Variants in ITGB4 observed in about 807,000 individuals in gnomAD.
ITGB4 encodes the protein integrin beta-4.
Under a neutral mutation model 207.6 loss-of-function variants are expected in ITGB4, and 159 were observed. The ratio of observed to expected loss-of-function variants is 0.77; its 90% CI spans 0.67 to 0.87. The LOEUF (loss-of-function observed/expected upper bound fraction) is 0.87, where lower values mean the gene tolerates loss of function less well. Among genes scored for constraint, ITGB4 ranks in the 40% least tolerant of loss-of-function variants. ITGB4 has a pLI of 0.00. For synonymous variants in ITGB4, 1,020 were observed against 1,062.7 expected (o/e 0.96, Z 0.78); for missense variants, 2,278 against 2,546.8 (o/e 0.89, Z 2.27).
In ITGB4 at chr17:75,729,423, C is replaced by T. The variant is rs781241859; in HGVS notation, c.725C>T (p.Thr242Ile). 2.5e-6 allele frequency: 4 copies of T among 1,614,080 alleles called. No individual in the cohort carries two copies. In the South Asian group the frequency reaches 3.3e-5, roughly 13 times the overall value. ...PEGGFDAILQ[T>I]AVCTRDIGWR... is the part of the protein sequence containing the mutation. ...GGCGGCTTCGATGCCATCCTGCAGACAGCTGTGTGCACGGTGGGCACTGGG... is the reference window on the plus strand; with the variant it reads ...GGCGGCTTCGATGCCATCCTGCAGATAGCTGTGTGCACGGTGGGCACTGGG... The change falls in exon 7 of 40, where the codon ACA becomes ATA. Residue 242 changes from threonine to isoleucine, a missense_variant. Transcript: ENST00000200181. This position sits in a 1 kb window ranked among gnomAD's most constrained non-coding sequence, Gnocchi z 4.4.
Position 75,727,412 on chromosome 17 carries a change from G to A in ITGB4, c.171G>A (p.Arg57=). The part of the protein sequence containing the change: ...DCAYCTDEMF[R]DRRCNTQAEL... ...CCTGTCCTTCTGGCCAGATGTTCAGGGACCGGCGCTGCAACACCCAGGCGG... is the reference window on the plus strand; with the variant it reads ...CCTGTCCTTCTGGCCAGATGTTCAGAGACCGGCGCTGCAACACCCAGGCGG... The change falls in exon 4 of 40, where the codon AGG becomes AGA. Residue 57 remains arginine, a synonymous_variant. Transcript: ENST00000200181. The surrounding 1 kb of genome is among the most constrained non-coding windows in gnomAD (Gnocchi z 6.0). 1 of 1,614,076 alleles carries A rather than the reference G, an allele frequency of 6.2e-7. No homozygotes were observed. The highest frequency in any genetic ancestry group is 8.5e-7 in the Non-Finnish European group (1 of 1,180,036).
rs527611048 is a variant in ITGB4 at position 75,730,238 on chromosome 17, C to T, written c.739-3C>T. 2.5e-6 allele frequency: 4 copies of T among 1,612,880 alleles called. No individual in the cohort carries two copies. The highest frequency in any genetic ancestry group is 2.7e-5 in the African/African-American group (2 of 75,050). ...TGGGCACGCCCCGCCTTGCCTTCCC[C>T]AGAGGGACATTGGCTGGCGCCCGGA... On this transcript the variant is annotated splice_polypyrimidine_tract_variant and splice_region_variant and intron_variant, in intron 7 of 39. Transcript: ENST00000200181.
intron 26 of ITGB4, among the ~76,000 whole-genome samples, chr17:75,745,048 A>C (rs571815959): frequency 6.6e-6 from 1 of 152,274 alleles, no homozygotes; most frequent in Admixed American, 6.5e-5. Context: ...TACAGGTGTA[A>C]GCCAGTGCAC....
chr17:75,749,985 C>G (rs896249390), intron 27 of ITGB4, 126 bp from the exon 28 acceptor site: 1 of 1,185,286 alleles, frequency 8.4e-7, no homozygotes, highest in Non-Finnish European at 1.3e-6. Flanking sequence ...TCTCCAGAGA[C>G]GCGGGTGGGC....
chr17:75,721,829 G>T (rs1044050123), intron 1 of ITGB4, among the ~76,000 whole-genome samples: 5 of 152,222 alleles, frequency 3.3e-5, no homozygotes, highest in African/African-American at 1.2e-4. Flanking sequence ...CAGACCTCCA[G>T]GCCAGAGGAG....
Position 75,731,951 on chromosome 17 carries a change from G to A in ITGB4, c.1355G>A (p.Cys452Tyr). 1 of 1,614,066 alleles carries A rather than the reference G, an allele frequency of 6.2e-7. No individual in the cohort carries two copies. The highest frequency in any genetic ancestry group is 8.5e-7 in the Non-Finnish European group (1 of 1,180,026). The change falls in exon 11 of 40, where the codon TGT (cysteine) becomes TAT (tyrosine). Residue 452 changes from cysteine to tyrosine, a missense_variant. Cys to Tyr is a radical substitution (Grantham distance 194, BLOSUM62 -2). Transcript: ENST00000200181. This position sits in a 1 kb window ranked among gnomAD's most constrained non-coding sequence, Gnocchi z 6.8. ...CTCAAGATGGACGCGGGCATCATCT[G>A]TGATGTGTGCACCTGCGAGCTGGTA... is the stretch of plus-strand genomic sequence containing the variant. ...DGLKMDAGII[C>Y]DVCTCELQKE...
Position 75,733,665 on chromosome 17 carries a change from C to T in ITGB4, c.1630C>T (p.Pro544Ser). 1 of 1,614,106 alleles carries T rather than the reference C, an allele frequency of 6.2e-7. No individual in the cohort carries two copies. Among genetic ancestry groups the T allele is most frequent in the Non-Finnish European group, 8.5e-7 (1 of 1,180,016 alleles). Residue 544 changes from proline to serine, a missense_variant, in exon 13 of 40, where the codon CCC (proline) becomes TCC (serine). By Grantham distance (74) the Pro-to-Ser change is moderately conservative (BLOSUM62 -1). Coordinates refer to ENST00000200181, the MANE Select transcript of ITGB4 (RefSeq NM_000213.5). The part of the protein sequence containing the change: ...QFCEYDNFQC[P>S]RTSGFLCNDR... Reference sequence around the variant, plus strand: ...CTGCGAGTATGACAACTTCCAGTGTCCCCGCACTTCCGGGTTCCTCTGCAA... The same window carrying T: ...CTGCGAGTATGACAACTTCCAGTGTTCCCGCACTTCCGGGTTCCTCTGCAA...
At position 75,749,015 on chromosome 17, in the gene ITGB4, C is replaced by T. The variant is rs950026294; in HGVS notation, c.3286C>T (p.His1096Tyr). The T allele has an allele frequency of 3.7e-6, 6 of 1,612,338 alleles. No individual in the cohort carries two copies. The highest frequency in any genetic ancestry group is 1.7e-5 in the Admixed American group (1 of 60,014). Residue 1096 changes from histidine to tyrosine, a missense_variant, in exon 27 of 40, where the codon CAC (histidine) becomes TAC (tyrosine). Transcript: ENST00000200181. Reference sequence around the variant, plus strand: ...GTTTGGGGCCCACCTGGGCCAGCCCCACTCCACCACCATCATCATCAGGGA... The same window carrying T: ...GTTTGGGGCCCACCTGGGCCAGCCCTACTCCACCACCATCATCATCAGGGA... The part of the protein sequence containing the change: ...PKFGAHLGQP[H>Y]STTIIIRDPD...
intron 26 of ITGB4, among the ~76,000 whole-genome samples, chr17:75,747,775 G>A (rs980100512): frequency 1.2e-4 from 18 of 152,258 alleles, no homozygotes; most frequent in Non-Finnish European, 1.8e-4. Flanking sequence ...TTAGCCTCCC[G>A]AGTAGCTGGG....
rs137898539 is a variant in ITGB4, at chr17:75,732,511, G to A, written c.1454+272G>A. Reference sequence around the variant, plus strand: ...TTGGGGCTGGGGTCTGGATCTTGGGGGACAGGCACACGAGGCTTCCTTTTT... The same window carrying A: ...TTGGGGCTGGGGTCTGGATCTTGGGAGACAGGCACACGAGGCTTCCTTTTT... On this transcript the variant is annotated intron_variant, in intron 12 of 39. Coordinates refer to ENST00000200181, the MANE Select transcript of ITGB4 (RefSeq NM_000213.5). This position sits in a 1 kb window ranked among gnomAD's most constrained non-coding sequence, Gnocchi z 5.3. Among the ~76,000 whole-genome samples the A allele has an allele frequency of 1.9e-3, 291 of 152,302 alleles. 1 individual carries two copies. Among genetic ancestry groups the A allele is most frequent in the African/African-American group, 6.7e-3 (280 of 41,558 alleles).
intron 6 of ITGB4, among the ~76,000 whole-genome samples, chr17:75,728,986 CAAAA>C (rs933959785): frequency 2.2e-5 from 1 of 45,210 alleles, no homozygotes; most frequent in Non-Finnish European, 4.5e-5. Context: ...TCTGTCTCAA[CAAAA>C]AAAAAAAAAA....
Position 75,727,455 on chromosome 17 carries a change from T to G in ITGB4, c.214T>G (p.Cys72Gly). 6.2e-7 allele frequency: 1 copy of G among 1,613,974 alleles called. No homozygotes were observed. Residue 72 changes from cysteine to glycine, a missense_variant, in exon 4 of 40, where the codon TGC becomes GGC. Cys to Gly is a radical substitution (Grantham distance 159). Coordinates refer to ENST00000200181, the MANE Select transcript of ITGB4 (RefSeq NM_000213.5). This position sits in a 1 kb window ranked among gnomAD's most constrained non-coding sequence, Gnocchi z 6.0. Reference protein sequence around the residue: ...NTQAELLAAGCQRESIVVMES... With the variant: ...NTQAELLAAGGQRESIVVMES... ...CCAGGCGGAGCTGCTGGCCGCGGGC[T>G]GCCAGCGGGAGAGCATCGTGGTCAT...
At chr17:75,752,622 G>C (rs1285648658) in intron 32 of ITGB4, 45 bp downstream of exon 32, 1 of 1,610,264 alleles carries the variant, frequency 6.2e-7, no homozygotes, top group Non-Finnish European at 8.5e-7. Context: ...GGGGGTCTTG[G>C]GTACAGAGTG....
In ITGB4 at chr17:75,754,569, C is replaced by A. The variant is rs376011638; in HGVS notation, c.4319-7C>A. On this transcript the variant is annotated splice_region_variant and splice_polypyrimidine_tract_variant and intron_variant, in intron 33 of 39. Coordinates refer to ENST00000200181, the MANE Select transcript of ITGB4 (RefSeq NM_000213.5). The stretch of plus-strand genomic sequence containing the variant: ...CCTGACCAAGGGACCCTGCTCTCCC[C>A]CTGCAGAGCACCTGGTGAATGGCCG... 6.2e-7 allele frequency: 1 copy of A among 1,613,522 alleles called. No homozygotes were observed. The highest frequency in any genetic ancestry group is 1.7e-5 in the Admixed American group (1 of 60,028).
In ITGB4 at chr17:75,729,475, G is replaced by C; in HGVS notation, c.738+39G>C. On this transcript the variant is annotated intron_variant, in intron 7 of 39. Transcript: ENST00000200181. The surrounding 1 kb of genome is among the most constrained non-coding windows in gnomAD (Gnocchi z 4.4). ...AGGGTGCTGCCAGCCTAGGCCAGGG[G>C]TGAGCACTTCTGGGCAAGGGCCTGA... The C allele has an allele frequency of 6.2e-7, 1 of 1,604,872 alleles. No individual in the cohort carries two copies. The highest frequency in any genetic ancestry group is 1.1e-5 in the South Asian group (1 of 90,358).
chr17:75,753,617 C>T, intron 32 of ITGB4, 148 bp from the exon 33 acceptor site: 3 of 465,210 alleles, frequency 6.4e-6, no homozygotes, highest in Non-Finnish European at 1.0e-5. Context: ...TCCGGCCGTG[C>T]GCATCTACCC....
At chr17:75,748,217 AT>A (rs2061278452) in intron 26 of ITGB4, among the ~76,000 whole-genome samples, 1 of 149,186 alleles carries the variant, frequency 6.7e-6, no homozygotes, top group East Asian at 2.0e-4. Flanking sequence ...AAAAAAAAAA[AT>A]AGCCAGGTGT....
intron 2 of ITGB4, among the ~76,000 whole-genome samples, chr17:75,725,983 C>T (rs1189383958): frequency 6.6e-6 from 1 of 152,248 alleles, no homozygotes; most frequent in African/African-American, 2.4e-5. Flanking sequence ...CTGGCTGGAC[C>T]TGAGGAGGCA....
In ITGB4 at chr17:75,727,293, G is replaced by T. The variant is rs753406366; in HGVS notation, c.162+16G>T. The T allele has an allele frequency of 6.2e-7, 1 of 1,613,440 alleles. No individual in the cohort carries two copies. Among genetic ancestry groups the T allele is most frequent in the African/African-American group, 1.3e-5 (1 of 74,910 alleles). On this transcript the variant is annotated intron_variant, in intron 3 of 39. Transcript: ENST00000200181. The surrounding 1 kb of genome is among the most constrained non-coding windows in gnomAD (Gnocchi z 6.0). ...CACAGACGAGGTGAGGACCTGGCCC[G>T]GGTTGGTGTGGAACAGGCAAGGGTC...
Sources: allele counts gnomAD v4.1 joint callset (sites outside exome capture counted in the v4.1 genomes callset), GRCh38; gene constraint gnomAD v4.1.1; non-coding constraint Gnocchi (gnomAD v3.1); transcripts MANE v1.5; gene names NCBI Gene and HGNC (gene_info 2026-07-23, HGNC 2026-07-21).